Variants in NIPAL2 observed in about 807,000 individuals in gnomAD.
The protein encoded by NIPAL2 is NIPA-like protein 2.
In NIPAL2, 43 loss-of-function variants were observed where a neutral mutation model predicts 48.9. The ratio of observed to expected loss-of-function variants is 0.88; its 90% CI spans 0.69 to 1.13. The LOEUF is 1.13. Ranked by LOEUF, NIPAL2 falls within the 50% of genes most tolerant of loss-of-function variation. The pLI is 0.00. For synonymous variants in NIPAL2, 167 were observed against 174.6 expected (o/e 0.96, Z 0.34); for missense variants, 446 against 461.4 (o/e 0.97, Z 0.31).
At chr8:98,238,063 C>T (rs1812804153) in intron 3 of NIPAL2, among the ~76,000 whole-genome samples, 1 of 152,202 alleles carries the variant, frequency 6.6e-6, no homozygotes, top group South Asian at 2.1e-4. Flanking sequence ...AGTGACACTA[C>T]TGGACTCTCT....
chr8:98,197,324 A>C (rs192182307), intron 8 of NIPAL2, among the ~76,000 whole-genome samples: 73 of 152,362 alleles, frequency 4.8e-4, no homozygotes, highest in Non-Finnish European at 1.0e-4. Context: ...TAATTAAAAT[A>C]CTTTATTGCT....
At chr8:98,284,992 G>A (rs28760566) in intron 1 of NIPAL2, among the ~76,000 whole-genome samples, 8,180 of 152,162 alleles carry the variant, frequency 0.054, 740 homozygotes, top group African/African-American at 0.19. Flanking sequence ...TTCCTTGGGG[G>A]TAAGGAGAGA....
chr8:98,215,229 T>A (rs1811515675), intron 5 of NIPAL2, among the ~76,000 whole-genome samples: 1 of 152,242 alleles, frequency 6.6e-6, no homozygotes, highest in Non-Finnish European at 1.5e-5. Flanking sequence ...CTCTGTGGCT[T>A]CAGATAAATA....
At chr8:98,215,816 T>C (rs893531673) in intron 5 of NIPAL2, among the ~76,000 whole-genome samples, 1 of 151,952 alleles carries the variant, frequency 6.6e-6, no homozygotes, top group Non-Finnish European at 1.5e-5. Context: ...ACCTGTGAGG[T>C]TTCCATTTGA....
intron 1 of NIPAL2, among the ~76,000 whole-genome samples, chr8:98,281,493 T>C (rs1429393198): frequency 2.0e-5 from 3 of 152,110 alleles, no homozygotes; most frequent in African/African-American, 4.8e-5. Flanking sequence ...AAGAGTATAA[T>C]TGGATTGTTT....
intron 3 of NIPAL2, among the ~76,000 whole-genome samples, chr8:98,249,718 TAATC>T (rs1174768400): frequency 6.8e-6 from 1 of 147,314 alleles, no homozygotes; most frequent in Non-Finnish European, 1.5e-5. Flanking sequence ...ATATTAAACA[TAATC>T]AATAAAATTA....
chr8:98,229,035 A>G (rs1812313955), intron 4 of NIPAL2, among the ~76,000 whole-genome samples: 1 of 152,250 alleles, frequency 6.6e-6, no homozygotes, highest in African/African-American at 2.4e-5. Flanking sequence ...TGGAGGGGAC[A>G]TAAAACAGCA....
chr8:98,242,423 T>C (rs553384798), intron 3 of NIPAL2, among the ~76,000 whole-genome samples: 2 of 151,844 alleles, frequency 1.3e-5, no homozygotes, highest in South Asian at 2.1e-4. Context: ...CTGGGCTCAA[T>C]TGATTCTCCT....
chr8:98,273,925 T>A (rs1586463663), intron 1 of NIPAL2, among the ~76,000 whole-genome samples: 1 of 152,094 alleles, frequency 6.6e-6, no homozygotes, highest in South Asian at 2.1e-4. Context: ...AATTATCTCA[T>A]GATTTTCATC....
chr8:98,238,627 A>G (rs1352820717), intron 3 of NIPAL2, among the ~76,000 whole-genome samples: 3 of 151,432 alleles, frequency 2.0e-5, no homozygotes, highest in Non-Finnish European at 4.4e-5. Flanking sequence ...TTTTTCCTCA[A>G]CTTAGCTTTT....
intron 1 of NIPAL2, among the ~76,000 whole-genome samples, chr8:98,288,968 G>A (rs555919269): frequency 6.6e-6 from 1 of 152,252 alleles, no homozygotes; most frequent in African/African-American, 2.4e-5. Flanking sequence ...TTTCCTTATA[G>A]CTTTATCACC....
chr8:98,243,476 G>A (rs569616693), intron 3 of NIPAL2, among the ~76,000 whole-genome samples: 3 of 152,250 alleles, frequency 2.0e-5, no homozygotes, highest in Admixed American at 6.5e-5. Flanking sequence ...CGTGCTTCTT[G>A]ATTTACTTAG....
chr8:98,204,034 CG>C (rs1408357202), intron 7 of NIPAL2, among the ~76,000 whole-genome samples: 2 of 152,100 alleles, frequency 1.3e-5, no homozygotes, highest in African/African-American at 4.8e-5. Flanking sequence ...GAACCACAGT[CG>C]TACAGTGTGA....
chr8:98,214,321 G>A (rs966685788), intron 5 of NIPAL2, among the ~76,000 whole-genome samples: 9 of 151,874 alleles, frequency 5.9e-5, no homozygotes, highest in African/African-American at 1.9e-4. Flanking sequence ...CCGCCACCAC[G>A]CCCGGCTAAT....
At chr8:98,223,213 A>G (rs1405228280) in intron 4 of NIPAL2, among the ~76,000 whole-genome samples, 2 of 152,242 alleles carry the variant, frequency 1.3e-5, no homozygotes, top group African/African-American at 4.8e-5. Flanking sequence ...AATCCAATCT[A>G]GAATATAGAA....
chr8:98,257,174 G>A (rs1813945017), intron 1 of NIPAL2, among the ~76,000 whole-genome samples: 1 of 152,062 alleles, frequency 6.6e-6, no homozygotes, highest in African/African-American at 2.4e-5. Context: ...TAGAATTAGG[G>A]CACAGCTGAC....
intron 2 of NIPAL2, 46 bp downstream of exon 2, chr8:98,253,973 T>A (rs1563526785): frequency 7.4e-7 from 1 of 1,344,698 alleles, no homozygotes; most frequent in Admixed American, 1.8e-5. Context: ...TCATAATGTG[T>A]CCCTGGATCA....
intron 3 of NIPAL2, among the ~76,000 whole-genome samples, chr8:98,241,203 G>C (rs1006976521): frequency 1.3e-5 from 2 of 152,188 alleles, no homozygotes; most frequent in Admixed American, 6.5e-5. Context: ...TGATATGTGT[G>C]AACAGGTATA....
At chr8:98,239,329 C>G (rs1414479896) in intron 3 of NIPAL2, among the ~76,000 whole-genome samples, 1 of 152,178 alleles carries the variant, frequency 6.6e-6, no homozygotes, top group Non-Finnish European at 1.5e-5. Flanking sequence ...GCTCTCAGTC[C>G]AGAGCTCTTT....
Sources: allele counts gnomAD v4.1 joint callset (sites outside exome capture counted in the v4.1 genomes callset), GRCh38; gene constraint gnomAD v4.1.1; transcripts MANE v1.5; gene names NCBI Gene and HGNC (gene_info 2026-07-23, HGNC 2026-07-21).